The following CHN1 variants were observed in gnomAD, a reference collection of about 807,000 sequenced individuals.
CHN1 encodes chimerin 1, also known as N-chimaerin.
In CHN1, 37 loss-of-function variants were observed where a neutral mutation model predicts 59.5. The ratio of observed to expected loss-of-function variants is 0.62; its 90% CI spans 0.48 to 0.82. The LOEUF (loss-of-function observed/expected upper bound fraction) is 0.82, where lower values mean the gene tolerates loss of function less well. Among genes scored for constraint, CHN1 ranks in the 40% least tolerant of loss-of-function variants. The pLI is 0.00. For synonymous variants in CHN1, 206 were observed against 200.4 expected, an observed-to-expected ratio of 1.03 and a Z score of -0.24; for missense variants, 469 against 571.0, an observed-to-expected ratio of 0.82 and a Z score of 1.82.
In CHN1 at chr2:174,817,928, C is replaced by T. The variant is rs531438256; in HGVS notation, c.713-5446G>A. Among the ~76,000 whole-genome samples, 38 of 152,256 alleles carry T rather than the reference C, an allele frequency of 2.5e-4. 1 individual carries two copies. Among genetic ancestry groups the T allele is most frequent in the African/African-American group, 7.7e-4 (32 of 41,566 alleles). Reference sequence around the variant, plus strand: ...CTGGGATTACAGGCATGAGCCATCGCGCCCGGCCAATTTTTTGTATTTTTA... The same window carrying T: ...CTGGGATTACAGGCATGAGCCATCGTGCCCGGCCAATTTTTTGTATTTTTA... On this transcript the variant is annotated intron_variant, in intron 8 of 12. Transcript: ENST00000409900.
chr2:174,985,887 T>TC, intron 1 of CHN1, among the ~76,000 whole-genome samples: 1 of 152,328 alleles, frequency 6.6e-6, no homozygotes, highest in East Asian at 1.9e-4. Context: ...GCAAGTGCCA[T>TC]CTTGTGGACT....
chr2:174,895,383 A>G (rs1427811710), intron 5 of CHN1, among the ~76,000 whole-genome samples: 1 of 152,072 alleles, frequency 6.6e-6, no homozygotes, highest in Non-Finnish European at 1.5e-5. Flanking sequence ...AGTCAAAATC[A>G]TGCAAACAAA....
At chr2:174,998,072 AT>A (rs1691768863) in intron 1 of CHN1, among the ~76,000 whole-genome samples, 1 of 150,922 alleles carries the variant, frequency 6.6e-6, no homozygotes, top group Non-Finnish European at 1.5e-5. Flanking sequence ...GGGGGCCGAG[AT>A]GGGTGGATCA....
chr2:174,914,510 G>A (rs557383037), intron 5 of CHN1, among the ~76,000 whole-genome samples: 1 of 152,240 alleles, frequency 6.6e-6, no homozygotes, highest in South Asian at 2.1e-4. Flanking sequence ...AGGAAAGAAG[G>A]GGTAAGATGG....
At chr2:174,931,925 AG>A (rs1689361196) in intron 3 of CHN1, among the ~76,000 whole-genome samples, 1 of 152,160 alleles carries the variant, frequency 6.6e-6, no homozygotes, top group Non-Finnish European at 1.5e-5. Flanking sequence ...GAATGGGGGC[AG>A]GGAAGAGGAG....
At chr2:174,959,359 G>A (rs906320920) in intron 1 of CHN1, among the ~76,000 whole-genome samples, 1 of 151,886 alleles carries the variant, frequency 6.6e-6, no homozygotes, top group South Asian at 2.1e-4. Flanking sequence ...AGAGAAAAGC[G>A]GCTTGAATGT....
chr2:174,880,906 C>T (rs1457302604), intron 5 of CHN1, among the ~76,000 whole-genome samples: 3 of 151,816 alleles, frequency 2.0e-5, no homozygotes, highest in African/African-American at 4.8e-5. Context: ...ATTAGCTGGG[C>T]GTGGTAGCGC....
chr2:174,941,988 A>C lies in CHN1; in HGVS notation c.114+2900T>G, dbSNP rs565993580. Among the ~76,000 whole-genome samples the C allele has an allele frequency of 3.8e-4, 58 of 152,346 alleles. No homozygotes were observed. The South Asian group carries it at 0.011, about 30-fold the overall frequency. On this transcript the variant is annotated intron_variant, in intron 3 of 12. Transcript: ENST00000409900. ...GTTAGTATGTCACCCCAGTTAGTAC[A>C]GCTACTATCAAAAAGACAAAACAAA...
At chr2:174,937,885 A>C (rs1466300263) in intron 3 of CHN1, among the ~76,000 whole-genome samples, 1 of 152,124 alleles carries the variant, frequency 6.6e-6, no homozygotes, top group Non-Finnish European at 1.5e-5. Flanking sequence ...GTAGAAGCAA[A>C]TGCTGGCACT....
intron 10 of CHN1, among the ~76,000 whole-genome samples, chr2:174,810,365 T>C (rs1054574114): frequency 1.9e-4 from 29 of 152,186 alleles, no homozygotes; most frequent in African/African-American, 7.0e-4. Context: ...GAGCTCTTCA[T>C]GAATTTTAAA....
At chr2:174,863,961 T>G (rs1190860230) in intron 6 of CHN1, among the ~76,000 whole-genome samples, 1 of 152,188 alleles carries the variant, frequency 6.6e-6, no homozygotes, top group African/African-American at 2.4e-5. Flanking sequence ...ACTTATTTTA[T>G]TTCTCATAAG....
chr2:174,957,332 G>C (rs1281693269), intron 1 of CHN1, among the ~76,000 whole-genome samples: 4 of 151,880 alleles, frequency 2.6e-5, no homozygotes, highest in East Asian at 3.9e-4. Context: ...AAACAAGGCG[G>C]AGAACTGCCT....
intron 6 of CHN1, among the ~76,000 whole-genome samples, chr2:174,865,613 T>C (rs1421963029): frequency 6.6e-6 from 1 of 152,214 alleles, no homozygotes; most frequent in African/African-American, 2.4e-5. Context: ...GTTATTTCTG[T>C]TATAATTCTA....
chr2:174,930,921 T>C (rs1689325617), intron 3 of CHN1, among the ~76,000 whole-genome samples: 1 of 151,984 alleles, frequency 6.6e-6, no homozygotes, highest in South Asian at 2.1e-4. Context: ...ATGCACCACC[T>C]ACGCCAGGCT....
chr2:174,931,272 A>G (rs1340877576), intron 3 of CHN1, among the ~76,000 whole-genome samples: 1 of 152,256 alleles, frequency 6.6e-6, no homozygotes, highest in Non-Finnish European at 1.5e-5. Context: ...ATAACAGATT[A>G]TCACAACACC....
chr2:175,003,154 A>C (rs1403994428), intron 1 of CHN1, among the ~76,000 whole-genome samples: 1 of 152,226 alleles, frequency 6.6e-6, no homozygotes, highest in Non-Finnish European at 1.5e-5. Context: ...ACTTTTAAAA[A>C]CAGCTGCTGC....
intron 1 of CHN1, among the ~76,000 whole-genome samples, chr2:174,984,695 T>C (rs535967577): frequency 6.6e-6 from 1 of 152,240 alleles, no homozygotes; most frequent in African/African-American, 2.4e-5. Flanking sequence ...AAAAGAGATC[T>C]TGTGCAAAAT....
intron 1 of CHN1, among the ~76,000 whole-genome samples, chr2:174,991,820 C>A (rs1691556445): frequency 6.6e-6 from 1 of 152,164 alleles, no homozygotes; most frequent in South Asian, 2.1e-4. Flanking sequence ...TTTAGGGGAG[C>A]TATTTTATTC....
intron 8 of CHN1, among the ~76,000 whole-genome samples, chr2:174,819,987 C>T (rs1329371124): frequency 6.6e-6 from 1 of 151,850 alleles, no homozygotes; most frequent in Non-Finnish European, 1.5e-5. Flanking sequence ...CTACAAAGGA[C>T]ATGAACTCAT....
Sources: gnomAD v4.1 joint callset for allele counts (sites outside exome capture counted in the v4.1 genomes callset) on GRCh38, gnomAD v4.1.1 for gene constraint, MANE v1.5 for transcripts, NCBI Gene and HGNC (gene_info 2026-07-23, HGNC 2026-07-21) for gene names.